Variants in CDH12 observed in about 807,000 individuals in gnomAD.
CDH12 encodes cadherin 12, also known as cadherin-12.
CDH12 carries 41 observed loss-of-function variants against 74.1 expected under a neutral mutation model. That is an observed-to-expected ratio of 0.55 (90% CI 0.43 to 0.72). The LOEUF is 0.72. Ranked by LOEUF, CDH12 falls within the 30% of genes least tolerant of loss-of-function variation. The pLI is 0.00. For missense variants in CDH12, 945 were observed against 977.2 expected, an observed-to-expected ratio of 0.97 and a Z score of 0.44; for synonymous variants, 399 against 355.0, an observed-to-expected ratio of 1.12 and a Z score of -1.39.
intron 5 of CDH12, among the ~76,000 whole-genome samples, chr5:21,998,176 G>C (rs1736404300): frequency 6.6e-6 from 1 of 151,682 alleles, no homozygotes; most frequent in African/African-American, 2.4e-5. Context: ...CCCTTCCTTG[G>C]CTCTATGTAT....
chr5:22,345,284 A>G (rs9942377), intron 3 of CDH12, among the ~76,000 whole-genome samples: 3,858 of 152,066 alleles, frequency 0.025, 102 homozygotes, highest in East Asian at 0.11. Context: ...GTTCTTTTTT[A>G]CAGAAAACAC....
intron 2 of CDH12, among the ~76,000 whole-genome samples, chr5:22,467,054 G>T (rs146343404): frequency 0.042 from 6,447 of 151,814 alleles, 241 homozygotes; most frequent in African/African-American, 0.11. Context: ...CAAATTGCTG[G>T]GATTACAAGC....
chr5:22,811,749 C>T lies in CDH12; in HGVS notation c.-523+41309G>A, dbSNP rs562820315. On this transcript the variant is annotated intron_variant, in intron 1 of 14. Transcript: ENST00000382254. ...GTAAAAGCAGGATTGTGTAAACTTT[C>T]TGAAAGGGATAAGAGGAGAGAGAAA... Among the ~76,000 whole-genome samples, 85 of 152,166 alleles carry T rather than the reference C, an allele frequency of 5.6e-4. 2 individuals carry two copies. In the South Asian group the frequency reaches 0.017, roughly 30 times the overall value.
chr5:21,788,043 G>A (rs898570663), intron 10 of CDH12, among the ~76,000 whole-genome samples: 1 of 152,218 alleles, frequency 6.6e-6, no homozygotes, highest in Non-Finnish European at 1.5e-5. Flanking sequence ...TTAAGTATTT[G>A]CTGAGTGTCC....
chr5:22,666,352 C>A (rs560122609), intron 1 of CDH12, among the ~76,000 whole-genome samples: 2 of 142,182 alleles, frequency 1.4e-5, no homozygotes, highest in Non-Finnish European at 3.0e-5. Context: ...TGCAGTGGCA[C>A]GATCTCGGCT....
At chr5:21,896,983 C>T (rs898170135) in intron 6 of CDH12, among the ~76,000 whole-genome samples, 1 of 151,956 alleles carries the variant, frequency 6.6e-6, no homozygotes, top group South Asian at 2.1e-4. Flanking sequence ...TTGGAAAATA[C>T]AAGCCAACCA....
chr5:22,795,361 T>A (rs1748140683), intron 1 of CDH12, among the ~76,000 whole-genome samples: 1 of 152,112 alleles, frequency 6.6e-6, no homozygotes, highest in South Asian at 2.1e-4. Context: ...AAGTGTACAA[T>A]GAAAGAACCT....
intron 5 of CDH12, among the ~76,000 whole-genome samples, chr5:22,015,977 A>G (rs1737579096): frequency 1.3e-5 from 2 of 151,720 alleles, no homozygotes; most frequent in South Asian, 4.1e-4. Context: ...CTTGGTAGAA[A>G]TCTGTTATCA....
At chr5:22,782,159 A>C (rs1747415861) in intron 1 of CDH12, among the ~76,000 whole-genome samples, 1 of 152,136 alleles carries the variant, frequency 6.6e-6, no homozygotes, top group Non-Finnish European at 1.5e-5. Context: ...TAATGCTGCA[A>C]TGAGTTAAGA....
intron 1 of CDH12, among the ~76,000 whole-genome samples, chr5:22,763,313 A>G (rs1031573877): frequency 4.6e-5 from 7 of 152,104 alleles, no homozygotes; most frequent in South Asian, 2.1e-4. Context: ...CCTTGTTCAG[A>G]TAACAAAATT....
chr5:22,608,848 T>TC (rs1410674628), intron 1 of CDH12, among the ~76,000 whole-genome samples: 1 of 152,194 alleles, frequency 6.6e-6, no homozygotes, highest in African/African-American at 2.4e-5. Flanking sequence ...ATTCTAAGTT[T>TC]CCTGAGGCCT....
chr5:22,485,258 T>C (rs1196422040), intron 2 of CDH12, among the ~76,000 whole-genome samples: 1 of 152,208 alleles, frequency 6.6e-6, no homozygotes, highest in Non-Finnish European at 1.5e-5. Flanking sequence ...ATTAGTTCAC[T>C]GGAACCTTCA....
At chr5:22,752,206 A>G (rs965020548) in intron 1 of CDH12, among the ~76,000 whole-genome samples, 2 of 152,210 alleles carry the variant, frequency 1.3e-5, no homozygotes, top group Non-Finnish European at 2.9e-5. Context: ...GGGTAATCCC[A>G]TTATGGAAAA....
At chr5:22,551,205 T>G (rs574888740) in intron 1 of CDH12, among the ~76,000 whole-genome samples, 1 of 152,254 alleles carries the variant, frequency 6.6e-6, no homozygotes. Flanking sequence ...TCTCTGAGCA[T>G]GCACAGATGA....
chr5:22,372,974 G>T (rs995318249), intron 3 of CDH12, among the ~76,000 whole-genome samples: 5 of 152,122 alleles, frequency 3.3e-5, no homozygotes, highest in African/African-American at 1.2e-4. Flanking sequence ...ACTGCAAGCA[G>T]CCCTGCCATC....
At chr5:22,579,378 C>T (rs1243670384) in intron 1 of CDH12, among the ~76,000 whole-genome samples, 2 of 151,776 alleles carry the variant, frequency 1.3e-5, no homozygotes, top group East Asian at 1.9e-4. Context: ...ACTTTTGTGC[C>T]CTTTTAGTCT....
chr5:21,972,407 G>C (rs996447731), intron 6 of CDH12, among the ~76,000 whole-genome samples: 2 of 152,038 alleles, frequency 1.3e-5, no homozygotes, highest in African/African-American at 4.8e-5. Context: ...AGTTCCATCT[G>C]GTCTTGATTA....
At chr5:22,326,045 A>C (rs1349184127) in intron 3 of CDH12, among the ~76,000 whole-genome samples, 1 of 152,206 alleles carries the variant, frequency 6.6e-6, no homozygotes, top group Non-Finnish European at 1.5e-5. Context: ...ATCTAATTAT[A>C]AGAGGTCAAT....
At chr5:21,887,656 A>T (rs1752699359) in intron 6 of CDH12, among the ~76,000 whole-genome samples, 1 of 152,144 alleles carries the variant, frequency 6.6e-6, no homozygotes, top group African/African-American at 2.4e-5. Context: ...TCCTTGTATA[A>T]CATGATTCAC....
Sources: gnomAD v4.1 joint callset for allele counts (sites outside exome capture counted in the v4.1 genomes callset) on GRCh38, gnomAD v4.1.1 for gene constraint, MANE v1.5 for transcripts, NCBI Gene and HGNC (gene_info 2026-07-23, HGNC 2026-07-21) for gene names.